Variants in BEND6 observed in about 807,000 individuals in gnomAD.
BEND6 encodes the protein BEN domain-containing protein 6.
A neutral mutation model predicts 31.8 loss-of-function variants in BEND6; 24 were observed. That is an observed-to-expected ratio of 0.75 (90% confidence interval 0.55 to 1.06). The LOEUF (loss-of-function observed/expected upper bound fraction) is 1.06, where lower values mean the gene tolerates loss of function less well. Among genes scored for constraint, BEND6 ranks in the 50% least tolerant of loss-of-function variants. The probability of loss-of-function intolerance (pLI) is 0.00; values close to 1 mark genes in which losing one functional copy is unlikely to be tolerated. For missense variants in BEND6, 294 were observed against 327.4 expected, an observed-to-expected ratio of 0.90 and a Z score of 0.79; for synonymous variants, 109 against 114.6, an observed-to-expected ratio of 0.95 and a Z score of 0.31.
intron 1 of BEND6, among the ~76,000 whole-genome samples, chr6:56,971,577 A>G (rs1825689866): frequency 1.3e-5 from 2 of 152,228 alleles, no homozygotes; most frequent in African/African-American, 4.8e-5. Context: ...GCACCATCTT[A>G]CATTACCACC....
chr6:56,995,794 T>C (rs1826685737), intron 3 of BEND6, among the ~76,000 whole-genome samples: 2 of 152,212 alleles, frequency 1.3e-5, no homozygotes, highest in South Asian at 4.1e-4. Context: ...GGTCACATTC[T>C]GAGGTAATAG....
intron 3 of BEND6, among the ~76,000 whole-genome samples, chr6:56,995,265 C>T (rs897742162): frequency 6.6e-6 from 1 of 151,770 alleles, no homozygotes; most frequent in African/African-American, 2.4e-5. Context: ...CCATTTGCTT[C>T]TCTACCTTCT....
intron 3 of BEND6, among the ~76,000 whole-genome samples, chr6:57,001,172 T>A (rs371654824): frequency 2.2e-5 from 2 of 90,526 alleles, no homozygotes; most frequent in Non-Finnish European, 5.0e-5. Context: ...TTTTTTTTTT[T>A]GGAGACAGGG....
intron 3 of BEND6, among the ~76,000 whole-genome samples, chr6:57,012,200 G>T (rs1827371001): frequency 6.6e-6 from 1 of 152,146 alleles, no homozygotes; most frequent in African/African-American, 2.4e-5. Context: ...ATCGACAGGT[G>T]AATGGATACA....
intron 1 of BEND6, among the ~76,000 whole-genome samples, chr6:56,969,203 A>G (rs1252904260): frequency 6.6e-6 from 1 of 152,210 alleles, no homozygotes; most frequent in Non-Finnish European, 1.5e-5. Flanking sequence ...AAAGCCATGC[A>G]TTTGTTTTGC....
At chr6:57,022,785 C>A (rs1713382498) in intron 6 of BEND6, among the ~76,000 whole-genome samples, 1 of 152,120 alleles carries the variant, frequency 6.6e-6, no homozygotes, top group South Asian at 2.1e-4. Flanking sequence ...AAACTTCCAT[C>A]TCAGTACTGC....
chr6:56,985,350 T>G (rs1257384629), intron 2 of BEND6, among the ~76,000 whole-genome samples: 1 of 152,168 alleles, frequency 6.6e-6, no homozygotes, highest in Non-Finnish European at 1.5e-5. Flanking sequence ...TCTTACCTAA[T>G]AGTAAGAGCA....
chr6:56,976,002 T>G, intron 1 of BEND6: 2 of 500,792 alleles, frequency 4.0e-6, no homozygotes, highest in Non-Finnish European at 8.1e-6. Flanking sequence ...TTCTTCAGCT[T>G]CAGGTTGGGA....
At position 56,992,540 on chromosome 6, in the gene BEND6, T is replaced by C; in HGVS notation, c.283T>C (p.Leu95=). ...AGAAAACAGCCGACTTCGACAGTCT[T>C]TGGTCATGCTTCAAGGTAAACTTTG... ...RKENSRLRQS[L]VMLQVLPQAV... The change falls in exon 3 of 7, where the codon TTG becomes CTG. Residue 95 remains leucine (L), a synonymous_variant. Transcript: ENST00000370746. The C allele has an allele frequency of 6.2e-7, 1 of 1,611,346 alleles. No individual in the cohort carries two copies. Among genetic ancestry groups the C allele is most frequent in the South Asian group, 1.1e-5 (1 of 90,506 alleles).
chr6:57,011,736 G>GA (rs1238082293), intron 3 of BEND6, among the ~76,000 whole-genome samples: 9 of 105,336 alleles, frequency 8.5e-5, no homozygotes, highest in Non-Finnish European at 1.2e-4. Flanking sequence ...AAAAAAAAAA[G>GA]AAAAAAAAAG....
intron 1 of BEND6, among the ~76,000 whole-genome samples, chr6:56,974,608 T>C (rs1349746068): frequency 1.3e-5 from 2 of 152,194 alleles, no homozygotes; most frequent in Non-Finnish European, 2.9e-5. Flanking sequence ...GACAACTTCA[T>C]TGCTTTAAAG....
At chr6:57,004,085 A>G (rs1827056556) in intron 3 of BEND6, among the ~76,000 whole-genome samples, 1 of 152,198 alleles carries the variant, frequency 6.6e-6, no homozygotes, top group African/African-American at 2.4e-5. Context: ...TGAGCAGGTA[A>G]AACCAGAAGC....
At chr6:57,014,845 G>C (rs1269893028) in intron 3 of BEND6, among the ~76,000 whole-genome samples, 1 of 152,052 alleles carries the variant, frequency 6.6e-6, no homozygotes, top group African/African-American at 2.4e-5. Context: ...AGAAAAAAAA[G>C]AATCAACTTT....
intron 1 of BEND6, chr6:56,975,949 A>T (rs1825857085): frequency 1.9e-6 from 1 of 529,794 alleles, no homozygotes; most frequent in Non-Finnish European, 3.8e-6. Flanking sequence ...CCAGCACCAG[A>T]GCATACACAG....
Position 57,024,785 on chromosome 6 carries a change from A to G in BEND6, c.*10-1297A>G, listed in dbSNP as rs550681362. On this transcript the variant is annotated intron_variant, in intron 6 of 6. Transcript: ENST00000370746. ...GGGAAGTTTTCTGTTACTATTTTTT[A>G]AAAAGCACTTTCCACTCCTTGCTCT... Among the ~76,000 whole-genome samples, 4 of 152,282 alleles carry G rather than the reference A, an allele frequency of 2.6e-5. No individual in the cohort carries two copies. The South Asian group carries it at 8.3e-4, about 32-fold the overall frequency.
chr6:56,972,086 C>CTGTCTTTTTTTTTTTTTT (rs1825708870), intron 1 of BEND6, among the ~76,000 whole-genome samples: 1 of 62,530 alleles, frequency 1.6e-5, no homozygotes, highest in Non-Finnish European at 2.8e-5. Context: ...ACTTTACTTT[C>CTGTCTTTTTTTTTTTTTT]TTTTTTTTTT....
intron 3 of BEND6, among the ~76,000 whole-genome samples, chr6:57,011,526 TG>T (rs915101551): frequency 2.6e-5 from 4 of 151,752 alleles, no homozygotes; most frequent in Non-Finnish European, 5.9e-5. Flanking sequence ...AAGACCAGCC[TG>T]GGCAACATAG....
intron 3 of BEND6, among the ~76,000 whole-genome samples, chr6:57,012,861 A>C (rs1023019943): frequency 6.6e-6 from 1 of 152,138 alleles, no homozygotes; most frequent in African/African-American, 2.4e-5. Flanking sequence ...TTTTCTTCTT[A>C]CATTCTAGAT....
At position 57,011,731 on chromosome 6, in the gene BEND6, A is replaced by G. The variant is rs866457117; in HGVS notation, c.299-3402A>G. On this transcript the variant is annotated intron_variant, in intron 3 of 6. Coordinates refer to ENST00000370746, the MANE Select transcript of BEND6 (RefSeq NM_152731.3). ...GCCCTGTCTCAAAAAAAAAAAAAAAAAAAAGAAAAAAAAAGAAAAGAAAAG... is the reference window on the plus strand; with the variant it reads ...GCCCTGTCTCAAAAAAAAAAAAAAAGAAAAGAAAAAAAAAGAAAAGAAAAG... 5.7e-3 allele frequency among the ~76,000 whole-genome samples: 836 copies of G among 147,062 alleles called. 2 individuals carry two copies. The highest frequency in any genetic ancestry group is 0.016 in the African/African-American group (626 of 39,276).
Sources: gnomAD v4.1 joint callset for allele counts (sites outside exome capture counted in the v4.1 genomes callset) on GRCh38, gnomAD v4.1.1 for gene constraint, MANE v1.5 for transcripts, NCBI Gene and HGNC (gene_info 2026-07-23, HGNC 2026-07-21) for gene names.